NPEPPS: variants seen among roughly 807,000 people sequenced by gnomAD.
NPEPPS encodes puromycin-sensitive aminopeptidase.
NPEPPS carries 14 observed loss-of-function variants against 115.5 expected under a neutral mutation model. The observed-to-expected ratio is 0.12, with a 90% CI of 0.08 to 0.19. NPEPPS has a LOEUF of 0.19. NPEPPS is among the 10% of genes least tolerant of loss of function. The probability of loss-of-function intolerance (pLI) is 1.00; values close to 1 mark genes in which losing one functional copy is unlikely to be tolerated. For synonymous variants in NPEPPS, 285 were observed against 390.6 expected (o/e 0.73, Z 3.19); for missense variants, 523 against 1,110.8 (o/e 0.47, Z 7.52).
Position 47,622,259 on chromosome 17 carries a change from C to T in NPEPPS, c.*339C>T. On this transcript the variant is annotated 3_prime_UTR_variant, in exon 23 of 23. Coordinates refer to ENST00000322157, the MANE Select transcript of NPEPPS (RefSeq NM_006310.4). Reference sequence around the variant, plus strand: ...AATGACAGATGTTCTGTTTTTATAACCTACCAAAAGGAAACTAGAGGCTTC... The same window carrying T: ...AATGACAGATGTTCTGTTTTTATAATCTACCAAAAGGAAACTAGAGGCTTC... The T allele has an allele frequency of 3.5e-6, 1 of 285,364 alleles. No individual in the cohort carries two copies. The highest frequency in any genetic ancestry group is 5.4e-6 in the Non-Finnish European group (1 of 185,908). The allele number at this position is 285,364 out of a possible 1,614,324, so 17.7% of individuals were successfully genotyped here. A position where few individuals can be genotyped will look rare whatever the true frequency, so the allele number is the denominator to read the frequency against.
upstream of NPEPPS, among the ~76,000 whole-genome samples, chr17:47,528,210 G>A (rs962519400): frequency 1.3e-5 from 2 of 152,072 alleles, no homozygotes; most frequent in East Asian, 1.9e-4. Context: ...GCTGGGGCAG[G>A]AGAATTGCTT....
At chr17:47,613,922 A>G (rs897697509) in intron 19 of NPEPPS, among the ~76,000 whole-genome samples, 197 bp downstream of exon 19, 1 of 151,922 alleles carries the variant, frequency 6.6e-6, no homozygotes, top group Non-Finnish European at 1.5e-5. Flanking sequence ...GATGCCAAAG[A>G]CATCTTACTT....
In NPEPPS at chr17:47,536,388, C is replaced by CT. The variant is rs749380530; in HGVS notation, c.255+4854dup. 8.3e-3 allele frequency among the ~76,000 whole-genome samples: 583 copies of CT among 69,888 alleles called. 10 individuals are homozygous for CT. Among genetic ancestry groups the CT allele is most frequent in the African/African-American group, 0.016 (335 of 20,874 alleles). 45.8% of individuals were successfully genotyped at this position (69,888 alleles called of 152,430 possible). A position where few individuals can be genotyped will look rare whatever the true frequency, so the allele number is the denominator to read the frequency against. On this transcript the variant is annotated intron_variant, in intron 1 of 22. Transcript: ENST00000322157. ...TGCCCAAATTCTGCATATTTTCTCTCTTTTTTTTTTTTTTTTTTTTTGAGA... is the reference window on the plus strand; with the variant it reads ...TGCCCAAATTCTGCATATTTTCTCTCTTTTTTTTTTTTTTTTTTTTTTGAGA...
chr17:47,618,272 G>A, intron 19 of NPEPPS, 78 bp from the exon 20 acceptor site: 1 of 884,014 alleles, frequency 1.1e-6, no homozygotes, highest in Non-Finnish European at 1.8e-6. Context: ...TACCTTACTG[G>A]GGAAGAAGCT....
rs3065310 is a variant in NPEPPS, at chr17:47,562,785, T to TAAAA, written c.341-6623_341-6620dup. On this transcript the variant is annotated intron_variant, in intron 2 of 22. Transcript: ENST00000322157. The stretch of plus-strand genomic sequence containing the variant: ...ATTTAAAAAAAAGTTTAGTTAATTG[T>TAAAA]AAAAAAAAAAAAGAATCTCTTCATT... Among the ~76,000 whole-genome samples, 585 of 146,416 alleles carry TAAAA rather than the reference T, an allele frequency of 4.0e-3. 3 individuals are homozygous for TAAAA. The highest frequency in any genetic ancestry group is 6.2e-3 in the Non-Finnish European group (412 of 66,480).
At chr17:47,568,147 C>T (rs1910948023) in intron 2 of NPEPPS, among the ~76,000 whole-genome samples, 1 of 151,882 alleles carries the variant, frequency 6.6e-6, no homozygotes, top group South Asian at 2.1e-4. Context: ...TCTCTACATC[C>T]TACCTTATAC....
In NPEPPS at chr17:47,605,108, G is replaced by A. The variant is rs150525753; in HGVS notation, c.1876-225G>A. Among the ~76,000 whole-genome samples, 179 of 152,120 alleles carry A rather than the reference G, an allele frequency of 1.2e-3. 1 individual carries two copies. The highest frequency in any genetic ancestry group is 4.1e-3 in the African/African-American group (170 of 41,488). On this transcript the variant is annotated intron_variant, in intron 16 of 22. Transcript: ENST00000322157. ...AGTAGTTCTTGTATAAATAGCAAAT[G>A]ATTCATTCTAATTTTTCTGTAAAAA...
chr17:47,596,265 G>A (rs1912871363), intron 12 of NPEPPS, 88 bp from the exon 13 acceptor site: 1 of 764,832 alleles, frequency 1.3e-6, no homozygotes, highest in Non-Finnish European at 2.1e-6. Context: ...AGAATTAGCA[G>A]TGTAGTGTCA....
At position 47,599,725 on chromosome 17, in the gene NPEPPS, G is replaced by C. The variant is rs961645229; in HGVS notation, c.1586G>C (p.Gly529Ala). The C allele has an allele frequency of 4.5e-6, 7 of 1,561,644 alleles. No individual in the cohort carries two copies. Among genetic ancestry groups the C allele is most frequent in the Non-Finnish European group, 6.1e-6 (7 of 1,151,270 alleles). ...LRLSQKKFCAGGSYVGEDCPQ... is the reference protein window; with the variant it reads ...LRLSQKKFCAAGSYVGEDCPQ... The stretch of plus-strand genomic sequence containing the variant: ...TTGTCCCAAAAGAAGTTCTGTGCTG[G>C]TGGGTCATATGTTGGTAAGTAAATG... Residue 529 changes from glycine (G) to alanine (A), a missense_variant, in exon 14 of 23, where the codon GGT becomes GCT. Physicochemically the swap from Gly to Ala is moderately conservative, Grantham distance 60. Coordinates refer to ENST00000322157, the MANE Select transcript of NPEPPS (RefSeq NM_006310.4).
rs57585141 is a variant in NPEPPS at position 47,622,425 on chromosome 17, CTTT to C, written c.*516_*518del. The C allele has an allele frequency of 1.2e-4, 18 of 148,054 alleles. No homozygotes were observed. The highest frequency in any genetic ancestry group is 3.7e-4 in the South Asian group (2 of 5,378). 9.2% of individuals were successfully genotyped at this position (148,054 alleles called of 1,614,324 possible). The stretch of plus-strand genomic sequence containing the variant: ...GGAGTCAGTGCATAATTCCAAGTGG[CTTT>C]TTTTTTTTTTGGCACGGGGACTGAT... On this transcript the variant is annotated 3_prime_UTR_variant, in exon 23 of 23. Transcript: ENST00000322157.
chr17:47,569,879 A>C (rs1447898761), intron 3 of NPEPPS, among the ~76,000 whole-genome samples: 2 of 152,116 alleles, frequency 1.3e-5, no homozygotes, highest in East Asian at 3.9e-4. Flanking sequence ...CTGGCCTCCC[A>C]AAGTGGTAGG....
chr17:47,588,936 A>G (rs1319458309), intron 9 of NPEPPS, among the ~76,000 whole-genome samples: 3 of 152,146 alleles, frequency 2.0e-5, no homozygotes, highest in Non-Finnish European at 2.9e-5. Context: ...TTTTTTTTTA[A>G]GACAGAGTCT....
At chr17:47,555,981 C>CTTTTTTTTT (rs886460288) in intron 2 of NPEPPS, among the ~76,000 whole-genome samples, 1 of 63,054 alleles carries the variant, frequency 1.6e-5, no homozygotes, top group Non-Finnish European at 3.5e-5. Flanking sequence ...TTCTGTTTTA[C>CTTTTTTTTT]TTTTTTTTTT....
intron 2 of NPEPPS, among the ~76,000 whole-genome samples, chr17:47,549,000 G>A (rs1909439819): frequency 6.6e-6 from 1 of 152,160 alleles, no homozygotes; most frequent in South Asian, 2.1e-4. Context: ...TAATGGAAAA[G>A]GAGATTTGAA....
Position 47,622,727 on chromosome 17 carries a change from TAAAGA to T in NPEPPS, c.*808_*812del. 1 of 393,644 alleles carries T rather than the reference TAAAGA, an allele frequency of 2.5e-6. No homozygotes were observed. Among genetic ancestry groups the T allele is most frequent in the Non-Finnish European group, 4.8e-6 (1 of 207,898 alleles). 24.4% of individuals were successfully genotyped at this position (393,644 alleles called of 1,614,324 possible). A position where few individuals can be genotyped will look rare whatever the true frequency, so the allele number is the denominator to read the frequency against. ...CTGATATACATTATTTTTTTCTTTT[TAAAGA>T]TGACTTATAAGAACCCTGAAATTTA... On this transcript the variant is annotated 3_prime_UTR_variant, in exon 23 of 23. Coordinates refer to ENST00000322157, the MANE Select transcript of NPEPPS (RefSeq NM_006310.4).
intron 2 of NPEPPS, among the ~76,000 whole-genome samples, chr17:47,567,757 C>T (rs1313082485): frequency 6.6e-6 from 1 of 152,100 alleles, no homozygotes; most frequent in Admixed American, 6.6e-5. Flanking sequence ...ATAGATTGCC[C>T]TGTTATGGAC....
chr17:47,604,006 C>T lies in NPEPPS; in HGVS notation c.1832C>T (p.Pro611Leu), dbSNP rs148467949. The T allele has an allele frequency of 2.5e-4, 409 of 1,613,542 alleles. No individual in the cohort carries two copies. The African/African-American group carries it at 4.7e-3, about 19-fold the overall frequency. ...LLPGIRDLSL[P>L]PVDRLGLQND... ...CCAGGCATTCGTGACCTTTCTCTGC[C>T]CCCTGTGGATCGACTTGGATTACAG... is the stretch of plus-strand genomic sequence containing the variant. Residue 611 changes from proline to leucine, a missense_variant, in exon 16 of 23, where the codon CCC becomes CTC. Around this residue, in one of 4 missense-constraint regions of NPEPPS, gnomAD observed 372 missense variants for 542.6 expected, o/e 0.69. Transcript: ENST00000322157.
intron 12 of NPEPPS, among the ~76,000 whole-genome samples, chr17:47,594,115 A>T (rs571578616): frequency 6.6e-6 from 1 of 152,282 alleles, no homozygotes; most frequent in East Asian, 1.9e-4. Flanking sequence ...TGATTGGGCC[A>T]CTGCACTCCA....
intron 18 of NPEPPS, 123 bp from the exon 19 acceptor site, chr17:47,613,546 C>T (rs1365939499): frequency 2.4e-5 from 18 of 761,432 alleles, no homozygotes; most frequent in Non-Finnish European, 3.5e-5. Flanking sequence ...GGATTACAGG[C>T]GTGAGTCACC....
Sources: allele counts gnomAD v4.1 joint callset (sites outside exome capture counted in the v4.1 genomes callset), GRCh38; gene constraint gnomAD v4.1.1; regional missense constraint gnomAD v4.1.1; transcripts MANE v1.5; gene names NCBI Gene and HGNC (gene_info 2026-07-23, HGNC 2026-07-21).